TOM1L1: variants seen among roughly 807,000 people sequenced by gnomAD.
The protein encoded by TOM1L1 is TOM1-like protein 1.
In TOM1L1, 64 loss-of-function variants were observed where a neutral mutation model predicts 63.4. The ratio of observed to expected loss-of-function variants is 1.01; its 90% CI spans 0.83 to 1.24. The LOEUF is 1.24. Among genes scored for constraint, TOM1L1 ranks in the 50% most tolerant of loss-of-function variants. The pLI is 0.00. For missense variants in TOM1L1, 536 were observed against 567.0 expected (o/e 0.95, Z 0.55); for synonymous variants, 166 against 194.4 (o/e 0.85, Z 1.22).
Position 54,912,793 on chromosome 17 carries a change from A to C in TOM1L1, c.350A>C (p.Asn117Thr). The change falls in exon 4 of 16, where the codon AAT becomes ACT. Residue 117 changes from asparagine to threonine, a missense_variant. Transcript: ENST00000575882. The part of the protein sequence containing the change: ...PRYNLPLDIQ[N>T]RILNFIKTWS... ...TACAACTTGCCATTAGACATTCAGA[A>C]TAGAATCTTGAATTTCATTAAGGTA... The C allele has an allele frequency of 6.2e-7, 1 of 1,606,372 alleles. No homozygotes were observed. Among genetic ancestry groups the C allele is most frequent in the Middle Eastern group, 1.7e-4 (1 of 6,014 alleles).
At chr17:54,938,903 C>G in intron 10 of TOM1L1, 21 bp from the exon 11 acceptor site, 1 of 1,509,966 alleles carries the variant, frequency 6.6e-7, no homozygotes, top group Non-Finnish European at 9.1e-7. Flanking sequence ...TAAAGCCAAA[C>G]AAGTCCATTT....
chr17:54,935,789 G>C lies in TOM1L1; in HGVS notation c.855-860G>C, dbSNP rs562057502. On this transcript the variant is annotated intron_variant, in intron 8 of 15. Transcript: ENST00000575882. ...AATGTAAAATTAAATCAGAGTTGTA[G>C]AAGGTCAATTTTTTGGTATGTGTTA... Among the ~76,000 whole-genome samples the C allele has an allele frequency of 1.6e-3, 247 of 152,222 alleles. 1 individual carries two copies. The highest frequency in any genetic ancestry group is 5.7e-3 in the African/African-American group (237 of 41,532).
intron 12 of TOM1L1, among the ~76,000 whole-genome samples, chr17:54,948,184 G>T (rs950755756): frequency 7.9e-5 from 12 of 152,168 alleles, no homozygotes; most frequent in Non-Finnish European, 1.3e-4. Context: ...GGACATTGCA[G>T]TGGCCTCTAA....
At chr17:54,957,282 T>A (rs530843136) in intron 14 of TOM1L1, 1 of 152,146 alleles carries the variant, frequency 6.6e-6, no homozygotes, top group Non-Finnish European at 1.5e-5. Context: ...GACTTAGGAG[T>A]CCACTATGTA....
chr17:54,956,179 G>A (rs1385152222), intron 14 of TOM1L1, among the ~76,000 whole-genome samples: 1 of 152,150 alleles, frequency 6.6e-6, no homozygotes, highest in Non-Finnish European at 1.5e-5. Flanking sequence ...GGGTCTCACT[G>A]TGTCACTCAA....
intron 3 of TOM1L1, 64 bp from the exon 4 acceptor site, chr17:54,912,602 C>T (rs1160282600): frequency 2.2e-6 from 3 of 1,369,538 alleles, no homozygotes; most frequent in Non-Finnish European, 2.9e-6. Flanking sequence ...GCAGTTTTTC[C>T]CTTACATTTT....
chr17:54,910,291 A>G (rs927065044), intron 3 of TOM1L1, among the ~76,000 whole-genome samples: 3 of 152,160 alleles, frequency 2.0e-5, no homozygotes, highest in Non-Finnish European at 2.9e-5. Context: ...ACCCATGTCT[A>G]CTAAAAATAC....
chr17:54,955,959 T>C (rs894117296), intron 14 of TOM1L1, among the ~76,000 whole-genome samples: 16 of 152,112 alleles, frequency 1.1e-4, no homozygotes, highest in African/African-American at 3.4e-4. Context: ...CTAGTCTCCT[T>C]CTTGGCAACT....
chr17:54,954,141 C>T (rs981235053), intron 14 of TOM1L1: 3 of 152,170 alleles, frequency 2.0e-5, no homozygotes, highest in African/African-American at 7.2e-5. Flanking sequence ...ACCAGGTTAT[C>T]AGCACACATA....
intron 11 of TOM1L1, among the ~76,000 whole-genome samples, chr17:54,939,700 G>C (rs1318143024): frequency 6.6e-6 from 1 of 152,026 alleles, no homozygotes; most frequent in African/African-American, 2.4e-5. Flanking sequence ...GGGACTACAG[G>C]TGTGCGCCAC....
intron 7 of TOM1L1, among the ~76,000 whole-genome samples, chr17:54,926,413 A>T (rs370811046): frequency 6.6e-6 from 1 of 152,150 alleles, no homozygotes; most frequent in Non-Finnish European, 1.5e-5. Context: ...CCTTCCTCTT[A>T]TCTTGAATAG....
At chr17:54,935,018 G>T (rs9901526) in intron 8 of TOM1L1, among the ~76,000 whole-genome samples, 90,518 of 152,016 alleles carry the variant, frequency 0.6, 27,499 homozygotes, top group African/African-American at 0.69. Context: ...GTGCCTGGCT[G>T]AACTAGGTGG....
intron 7 of TOM1L1, among the ~76,000 whole-genome samples, chr17:54,923,399 T>A (rs1409180889): frequency 6.6e-6 from 1 of 152,096 alleles, no homozygotes; most frequent in Non-Finnish European, 1.5e-5. Flanking sequence ...ACTTGTTATT[T>A]TCCATTGTGT....
At chr17:54,952,052 ATATGTTT>A (rs2143979335) in intron 14 of TOM1L1, 1 of 152,306 alleles carries the variant, frequency 6.6e-6, no homozygotes, top group East Asian at 1.9e-4. Context: ...CTAAAACTAA[ATATGTTT>A]TAGGGTCTCC....
intron 6 of TOM1L1, 102 bp from the exon 7 acceptor site, chr17:54,915,644 G>T: frequency 1.5e-6 from 1 of 684,816 alleles, no homozygotes; most frequent in Non-Finnish European, 2.3e-6. Flanking sequence ...ATTAAATTTT[G>T]CAAAAGCATT....
intron 11 of TOM1L1, among the ~76,000 whole-genome samples, chr17:54,939,510 C>T (rs971869225): frequency 1.3e-5 from 2 of 152,090 alleles, no homozygotes; most frequent in African/African-American, 4.8e-5. Context: ...GTGTGGCAGG[C>T]ACTCAGTTAA....
rs760709512 is a variant in TOM1L1, at chr17:54,909,061, C to G, written c.222+3494C>G. Among the ~76,000 whole-genome samples, 78 of 152,196 alleles carry G rather than the reference C, an allele frequency of 5.1e-4. 1 individual carries two copies. Among genetic ancestry groups the G allele is most frequent in the Non-Finnish European group, 9.4e-4 (64 of 68,008 alleles). Reference sequence around the variant, plus strand: ...ATCACTTCAGGTCAGGAGTTAGAGACCAGCCTGGGCAACATGGTAATACCC... The same window carrying G: ...ATCACTTCAGGTCAGGAGTTAGAGAGCAGCCTGGGCAACATGGTAATACCC... On this transcript the variant is annotated intron_variant, in intron 3 of 15. Coordinates refer to ENST00000575882, the MANE Select transcript of TOM1L1 (RefSeq NM_005486.3).
chr17:54,922,841 C>G (rs921243697), intron 7 of TOM1L1, among the ~76,000 whole-genome samples: 6 of 152,120 alleles, frequency 3.9e-5, no homozygotes, highest in Non-Finnish European at 5.9e-5. Flanking sequence ...AGTATTTCCT[C>G]TATTTAATTC....
At chr17:54,916,459 T>C (rs1405853952) in intron 7 of TOM1L1, 1 of 152,348 alleles carries the variant, frequency 6.6e-6, no homozygotes, top group Non-Finnish European at 1.5e-5. Flanking sequence ...AGCCCTCCTA[T>C]GCCTTCTGCT....
Sources: gnomAD v4.1 joint callset for allele counts (sites outside exome capture counted in the v4.1 genomes callset) on GRCh38, gnomAD v4.1.1 for gene constraint, MANE v1.5 for transcripts, NCBI Gene and HGNC (gene_info 2026-07-23, HGNC 2026-07-21) for gene names.